The following CFAP69 variants were observed in gnomAD, a reference collection of about 807,000 sequenced individuals.
The protein encoded by CFAP69 is cilia- and flagella-associated protein 69.
Under a neutral mutation model 123.0 loss-of-function variants are expected in CFAP69, and 92 were observed. The observed-to-expected ratio is 0.75, with a 90% CI of 0.63 to 0.89. The LOEUF (loss-of-function observed/expected upper bound fraction) is 0.89. Among genes scored for constraint, CFAP69 ranks in the 40% least tolerant of loss-of-function variants. CFAP69 has a pLI of 0.00. For missense variants in CFAP69, 1,067 were observed against 1,096.9 expected (o/e 0.97, Z 0.39); for synonymous variants, 380 against 364.3 (o/e 1.04, Z -0.49).
intron 2 of CFAP69, among the ~76,000 whole-genome samples, 195 bp downstream of exon 2, chr7:90,255,677 G>A (rs1458582520): frequency 6.6e-6 from 1 of 152,152 alleles, no homozygotes; most frequent in Non-Finnish European, 1.5e-5. Context: ...GAGACTGGAG[G>A]AAGAGAATAG....
At chr7:90,252,620 C>T (rs1438738503) in intron 1 of CFAP69, among the ~76,000 whole-genome samples, 2 of 152,036 alleles carry the variant, frequency 1.3e-5, no homozygotes, top group African/African-American at 4.8e-5. Context: ...AGCAGTGAGC[C>T]GTGATTGCAC....
At position 90,299,952 on chromosome 7, in the gene CFAP69, C is replaced by T. The variant is rs1350148001; in HGVS notation, c.1943C>T (p.Ala648Val). ...DNPKTAAHVN[A>V]WQGKKDQTAA... ...CCCAAAACTGCAGCTCATGTCAATGCTTGGCAAGGGAAGAAGGATCAGACA... is the reference window on the plus strand; with the variant it reads ...CCCAAAACTGCAGCTCATGTCAATGTTTGGCAAGGGAAGAAGGATCAGACA... The change falls in exon 17 of 23, where the codon GCT becomes GTT. Residue 648 changes from alanine (A) to valine (V), a missense_variant. By Grantham distance (64) the Ala-to-Val change is moderately conservative. Transcript: ENST00000389297. The T allele has an allele frequency of 6.2e-7, 1 of 1,612,108 alleles. No individual in the cohort carries two copies.
At chr7:90,307,173 A>G (rs929719078) in intron 20 of CFAP69, 75 bp downstream of exon 20, 13 of 1,039,398 alleles carry the variant, frequency 1.3e-5, no homozygotes, top group East Asian at 2.5e-5. Context: ...GTTAGATAGA[A>G]TAAGTTCTGT....
rs1797869741 is a variant in CFAP69 at position 90,258,117 on chromosome 7, A to G, written c.200A>G (p.Gln67Arg). 2 of 1,611,622 alleles carry G rather than the reference A, an allele frequency of 1.2e-6. No homozygotes were observed. Among genetic ancestry groups the G allele is most frequent in the Non-Finnish European group, 1.7e-6 (2 of 1,178,956 alleles). The change falls in exon 3 of 23, where the codon CAA becomes CGA. Residue 67 changes from glutamine to arginine, a missense_variant. By Grantham distance (43) the Gln-to-Arg change is conservative. Transcript: ENST00000389297. ...ETDKDGLEEK[Q>R]LKFVKKLVQC... Reference sequence around the variant, plus strand: ...TTTTAGGATGGCTTGGAAGAAAAACAACTTAAATTTGTCAAGAAACTGGTA... The same window carrying G: ...TTTTAGGATGGCTTGGAAGAAAAACGACTTAAATTTGTCAAGAAACTGGTA...
the CFAP69 span, among the ~76,000 whole-genome samples, chr7:90,322,803 G>A: frequency 0.29 from 44,668 of 151,848 alleles, 7,554 homozygotes; most frequent in East Asian, 0.68. Context: ...ACATATTTGG[G>A]TATGATTATT....
chr7:90,317,272 G>A, the CFAP69 span: 1 of 152,170 alleles, frequency 6.6e-6, no homozygotes, highest in Admixed American at 6.5e-5. Context: ...GTAATAAAGT[G>A]TCAATATGAA....
chr7:90,305,961 G>C (rs80194441), intron 19 of CFAP69, among the ~76,000 whole-genome samples: 1 of 67,592 alleles, frequency 1.5e-5, no homozygotes, highest in East Asian at 3.9e-4. Flanking sequence ...TTTTTTTTTT[G>C]AGGCAGAGTC....
In CFAP69 at chr7:90,286,521, G is replaced by T; in HGVS notation, c.1656+122G>T. On this transcript the variant is annotated intron_variant, in intron 14 of 22. Coordinates refer to ENST00000389297, the MANE Select transcript of CFAP69 (RefSeq NM_001039706.3). ...AATTTAATATTTTTGTTAATAATTAGAGCATAATTATATAAAGTAAAAGGT... is the reference window on the plus strand; with the variant it reads ...AATTTAATATTTTTGTTAATAATTATAGCATAATTATATAAAGTAAAAGGT... 4.1e-6 allele frequency: 4 copies of T among 987,340 alleles called. No individual in the cohort carries two copies. The South Asian group carries it at 6.3e-5, about 15-fold the overall frequency. 61.2% of individuals were successfully genotyped at this position (987,340 alleles called of 1,614,324 possible).
chr7:90,303,019 T>C (rs1372317269), intron 17 of CFAP69: 1 of 152,178 alleles, frequency 6.6e-6, no homozygotes, highest in Non-Finnish European at 1.5e-5. Flanking sequence ...ATTCTCATCA[T>C]AGAGGTCTTT....
At chr7:90,277,355 G>A in intron 11 of CFAP69, 21 bp downstream of exon 11, 1 of 1,444,944 alleles carries the variant, frequency 6.9e-7, no homozygotes, top group Non-Finnish European at 9.1e-7. Flanking sequence ...ATCAAGGCAG[G>A]AAAATCAATA....
At chr7:90,316,724 A>C in the CFAP69 span, 1 of 152,244 alleles carries the variant, frequency 6.6e-6, no homozygotes, top group Non-Finnish European at 1.5e-5. Context: ...TTTTAAAACC[A>C]GATTGCCCAG....
chr7:90,277,261 A>G lies in CFAP69; in HGVS notation c.1082A>G (p.Tyr361Cys), dbSNP rs747142850. Residue 361 changes from tyrosine to cysteine, a missense_variant, in exon 11 of 23, where the codon TAT becomes TGT. Physicochemically the swap from Tyr to Cys is radical, Grantham distance 194. Coordinates refer to ENST00000389297, the MANE Select transcript of CFAP69 (RefSeq NM_001039706.3). ...AAAGGACTTAAGCTTTCTAATTCCT[A>G]TGAAGATTTTGAGTTGAAGAAATTA... ...LVKGLKLSNSYEDFELKKLLF... is the reference protein window; with the variant it reads ...LVKGLKLSNSCEDFELKKLLF... The G allele has an allele frequency of 4.8e-5, 76 of 1,592,084 alleles. No individual in the cohort carries two copies. The highest frequency in any genetic ancestry group is 6.4e-5 in the Non-Finnish European group (75 of 1,171,868).
intron 15 of CFAP69, among the ~76,000 whole-genome samples, chr7:90,293,226 A>G (rs1045403105): frequency 1.3e-5 from 2 of 152,178 alleles, no homozygotes; most frequent in African/African-American, 2.4e-5. Flanking sequence ...AATAAGCCAA[A>G]TTTTACCTTT....
chr7:90,299,385 C>T (rs1159779730), intron 16 of CFAP69, among the ~76,000 whole-genome samples: 1 of 152,036 alleles, frequency 6.6e-6, no homozygotes, highest in Non-Finnish European at 1.5e-5. Flanking sequence ...AACCAAATTA[C>T]ATCTTGTTTT....
rs779185039 is a variant in CFAP69, at chr7:90,261,988, G to T, written c.288G>T (p.Leu96=). 77 of 1,600,220 alleles carry T rather than the reference G, an allele frequency of 4.8e-5. No homozygotes were observed. Among genetic ancestry groups the T allele is most frequent in the Non-Finnish European group, 6.4e-5 (75 of 1,174,604 alleles). ...CACAGATATTTAAAATTCTGAATCTGTGTTCAGGAAAAATAAAAAACCAGC... is the reference window on the plus strand; with the variant it reads ...CACAGATATTTAAAATTCTGAATCTTTGTTCAGGAAAAATAAAAAACCAGC... ...DLAQIFKILN[L]CSGKIKNQPR... Residue 96 remains leucine, a synonymous_variant, in exon 4 of 23, where the codon CTG becomes CTT. Coordinates refer to ENST00000389297, the MANE Select transcript of CFAP69 (RefSeq NM_001039706.3).
chr7:90,245,418 A>C lies in CFAP69; in HGVS notation c.-7A>C, dbSNP rs754902261. 1.3e-4 allele frequency: 208 copies of C among 1,542,252 alleles called. No homozygotes were observed. Among genetic ancestry groups the C allele is most frequent in the Non-Finnish European group, 1.8e-4 (202 of 1,145,990 alleles). ...TCCCCCCACTCTCCACCCCGCCGCC[A>C]CCGGCCATGTGGACAGAGGAAGCCG... On this transcript the variant is annotated 5_prime_UTR_variant, in exon 1 of 23. Transcript: ENST00000389297.
At chr7:90,299,839 T>G in intron 16 of CFAP69, 28 bp from the exon 17 acceptor site, 3 of 1,537,700 alleles carry the variant, frequency 2.0e-6, no homozygotes, top group Non-Finnish European at 2.6e-6. Context: ...TATTGCAACT[T>G]TTTTCCTTTT....
intron 18 of CFAP69, 98 bp downstream of exon 18, chr7:90,304,204 C>T (rs1793218732): frequency 7.1e-7 from 1 of 1,417,272 alleles, no homozygotes. Flanking sequence ...GAGCAAAAAT[C>T]TCTTTATATA....
chr7:90,249,042 A>T (rs1346646456), intron 1 of CFAP69, among the ~76,000 whole-genome samples: 1 of 152,210 alleles, frequency 6.6e-6, no homozygotes, highest in African/African-American at 2.4e-5. Flanking sequence ...TAAATTATTA[A>T]ATAAATTCAG....
Sources: allele counts gnomAD v4.1 joint callset (sites outside exome capture counted in the v4.1 genomes callset), GRCh38; gene constraint gnomAD v4.1.1; transcripts MANE v1.5; gene names NCBI Gene and HGNC (gene_info 2026-07-23, HGNC 2026-07-21).